ANK2: variants seen among roughly 807,000 people sequenced by gnomAD.
The protein encoded by ANK2 is ankyrin 2.
A neutral mutation model predicts 360.5 loss-of-function variants in ANK2; 83 were observed. The ratio of observed to expected loss-of-function variants is 0.23; its 90% confidence interval spans 0.19 to 0.28. The LOEUF (loss-of-function observed/expected upper bound fraction) is 0.28, where lower values mean the gene tolerates loss of function less well. Among genes scored for constraint, ANK2 ranks in the 10% least tolerant of loss-of-function variants. ANK2 has a pLI of 1.00. For synonymous variants in ANK2, 1,740 were observed against 1,759.5 expected (o/e 0.99, Z 0.28); for missense variants, 4,201 against 4,795.7 (o/e 0.88, Z 3.66).
intron 1 of ANK2, among the ~76,000 whole-genome samples, chr4:112,889,678 C>G (rs1202358671): frequency 2.6e-5 from 4 of 151,866 alleles, no homozygotes; most frequent in South Asian, 2.1e-4. Context: ...ATTAGTAAAG[C>G]ATGTCATGAT....
chr4:113,170,495 A>G (rs999333016), intron 1 of ANK2, among the ~76,000 whole-genome samples: 6 of 152,230 alleles, frequency 3.9e-5, no homozygotes, highest in Non-Finnish European at 8.8e-5. Context: ...TACCGAAGTT[A>G]TATGTTTATA....
intron 3 of ANK2, 52 bp downstream of exon 3, chr4:113,196,518 T>G (rs1276890353): frequency 7.0e-7 from 1 of 1,432,364 alleles, no homozygotes; most frequent in Admixed American, 1.8e-5. Flanking sequence ...CGAAAATAAT[T>G]TAAAGCTTTT....
intron 2 of ANK2, among the ~76,000 whole-genome samples, chr4:113,175,332 C>G (rs1001075266): frequency 6.6e-6 from 1 of 152,190 alleles, no homozygotes; most frequent in African/African-American, 2.4e-5. Context: ...TTATAGACCA[C>G]TGAAATTAAT....
rs786205732 is a variant in ANK2 at position 113,255,886 on chromosome 4, C to A, written c.1142C>A (p.Thr381Asn). 6.2e-7 allele frequency: 1 copy of A among 1,614,206 alleles called. No individual in the cohort carries two copies. The highest frequency in any genetic ancestry group is 2.2e-5 in the East Asian group (1 of 44,888). ...VAAHCGHYRVTKLLLDKRANP... is the reference protein window; with the variant it reads ...VAAHCGHYRVNKLLLDKRANP... ...GCGCACTGTGGCCACTACCGTGTAACCAAACTCCTTTTAGACAAGAGAGCC... is the reference window on the plus strand; with the variant it reads ...GCGCACTGTGGCCACTACCGTGTAAACAAACTCCTTTTAGACAAGAGAGCC... Residue 381 changes from threonine (T) to asparagine (N), a missense_variant, in exon 11 of 46, where the codon ACC becomes AAC. By Grantham distance (65) the Thr-to-Asn change is moderately conservative (BLOSUM62 0). Transcript: ENST00000357077.
intron 2 of ANK2, among the ~76,000 whole-genome samples, chr4:113,179,018 A>G (rs575026974): frequency 3.5e-4 from 53 of 152,322 alleles, no homozygotes; most frequent in Admixed American, 1.0e-3. Context: ...AACTTTATTC[A>G]TAGGTGGTTA....
intron 1 of ANK2, among the ~76,000 whole-genome samples, chr4:113,130,497 G>A (rs2095947903): frequency 1.3e-5 from 2 of 152,168 alleles, no homozygotes; most frequent in South Asian, 2.1e-4. Flanking sequence ...CAAAGACCAT[G>A]ATAGTACCTG....
chr4:112,750,318 C>G, the ANK2 span, among the ~76,000 whole-genome samples: 1 of 151,930 alleles, frequency 6.6e-6, no homozygotes, highest in Non-Finnish European at 1.5e-5. Context: ...CCAAGATCGC[C>G]CCGCTGCACT....
At chr4:113,342,561 G>A (rs997030442) in intron 33 of ANK2, among the ~76,000 whole-genome samples, 16 of 152,104 alleles carry the variant, frequency 1.1e-4, no homozygotes, top group South Asian at 2.1e-4. Flanking sequence ...TTAGCTGGGC[G>A]TGGTGGCAGA....
At chr4:113,307,014 A>G (rs1262264170) in intron 23 of ANK2, among the ~76,000 whole-genome samples, 1 of 152,238 alleles carries the variant, frequency 6.6e-6, no homozygotes, top group Non-Finnish European at 1.5e-5. Flanking sequence ...TTGGCTTCCC[A>G]GCCATAAATG....
chr4:113,253,994 G>C (rs2047929026), intron 10 of ANK2, among the ~76,000 whole-genome samples: 1 of 152,080 alleles, frequency 6.6e-6, no homozygotes, highest in Non-Finnish European at 1.5e-5. Context: ...TATCGATCAT[G>C]CCCGTTATAA....
chr4:113,336,639 T>C lies in ANK2; in HGVS notation c.3654T>C (p.Pro1218=), dbSNP rs1462760166. 1 of 1,614,170 alleles carries C rather than the reference T, an allele frequency of 6.2e-7. No individual in the cohort carries two copies. Residue 1218 remains proline, a synonymous_variant, in exon 31 of 46, where the codon CCT becomes CCC. Transcript: ENST00000357077. The part of the protein sequence containing the change: ...KILGNKATFS[P]IVTLEPRRRK... ...TAGGCAACAAAGCTACCTTCAGCCC[T>C]ATAGTCACTTTGGAACCTAGAAGAA...
intron 10 of ANK2, among the ~76,000 whole-genome samples, chr4:113,255,316 T>C (rs2048702938): frequency 6.6e-6 from 1 of 152,228 alleles, no homozygotes; most frequent in South Asian, 2.1e-4. Flanking sequence ...GCCCACTTGC[T>C]TCTCATTCAC....
intron 2 of ANK2, among the ~76,000 whole-genome samples, chr4:113,020,001 A>C (rs1331827501): frequency 6.6e-6 from 1 of 152,188 alleles, no homozygotes; most frequent in Non-Finnish European, 1.5e-5. Context: ...ATGATTTGGA[A>C]GTCCTAGGTA....
At chr4:113,026,582 T>C (rs1411385252) in intron 2 of ANK2, among the ~76,000 whole-genome samples, 3 of 152,208 alleles carry the variant, frequency 2.0e-5, no homozygotes, top group African/African-American at 7.2e-5. Context: ...CCTATAGAGG[T>C]ATTTTCAGTG....
intron 1 of ANK2, among the ~76,000 whole-genome samples, chr4:112,868,078 A>G (rs962729118): frequency 6.6e-6 from 1 of 152,170 alleles, no homozygotes; most frequent in African/African-American, 2.4e-5. Flanking sequence ...ATTATCTGAC[A>G]TTTTGATTTT....
intron 1 of ANK2, among the ~76,000 whole-genome samples, chr4:112,864,128 G>A (rs1456001518): frequency 6.6e-6 from 1 of 152,050 alleles, no homozygotes; most frequent in East Asian, 1.9e-4. Flanking sequence ...GTAGAAGGAA[G>A]AAAACAGTTC....
chr4:112,730,285 G>A, the ANK2 span, among the ~76,000 whole-genome samples: 2 of 138,036 alleles, frequency 1.4e-5, no homozygotes, highest in Non-Finnish European at 1.6e-5. Context: ...AAGAGAATAC[G>A]TTCAGGAGAC....
intron 2 of ANK2, among the ~76,000 whole-genome samples, chr4:112,927,381 G>A (rs898727402): frequency 2.0e-5 from 3 of 152,104 alleles, no homozygotes; most frequent in African/African-American, 7.2e-5. Flanking sequence ...ACGTGACTCA[G>A]ATTTGCCTTT....
chr4:112,982,835 G>A (rs886786299), intron 2 of ANK2, among the ~76,000 whole-genome samples: 1 of 152,168 alleles, frequency 6.6e-6, no homozygotes, highest in Admixed American at 6.5e-5. Context: ...CCATAATTTA[G>A]TATACATTTT....
Sources: allele counts gnomAD v4.1 joint callset (sites outside exome capture counted in the v4.1 genomes callset), GRCh38; gene constraint gnomAD v4.1.1; transcripts MANE v1.5; gene names NCBI Gene and HGNC (gene_info 2026-07-23, HGNC 2026-07-21).